Variants in PCDHGB1 observed in about 807,000 individuals in gnomAD.
PCDHGB1 encodes protocadherin gamma-B1.
Under a neutral mutation model 56.6 loss-of-function variants are expected in PCDHGB1, and 34 were observed. That is an observed-to-expected ratio of 0.60 (90% CI 0.46 to 0.80). PCDHGB1 has a LOEUF of 0.80. PCDHGB1 is among the 30% of genes least tolerant of loss of function. The pLI, the probability that PCDHGB1 is intolerant of heterozygous loss-of-function variation, is 0.00. For synonymous variants in PCDHGB1, 561 were observed against 505.9 expected (o/e 1.11, Z -1.46); for missense variants, 1,278 against 1,204.6 (o/e 1.06, Z -0.90).
intron 1 of PCDHGB1, among the ~76,000 whole-genome samples, chr5:141,444,175 TTTTTTTTTTTTTTG>T (rs2098423325): frequency 7.6e-6 from 1 of 131,192 alleles, no homozygotes; most frequent in African/African-American, 3.0e-5. Flanking sequence ...TTTTTTTTTT[TTTTTTTTTTTTTTG>T]AGATGGAGTT....
At position 141,432,360 on chromosome 5, in the gene PCDHGB1, C is replaced by T; in HGVS notation, c.2410-62447C>T. On this transcript the variant is annotated intron_variant, in intron 1 of 3. Transcript: ENST00000523390. This position sits in a 1 kb window ranked among gnomAD's most constrained non-coding sequence, Gnocchi z 6.0. Reference sequence around the variant, plus strand: ...CGAGACTTGCAAGTGAAAGTGATGGCGCGGGACAACGGGCACCCGCCCCTC... The same window carrying T: ...CGAGACTTGCAAGTGAAAGTGATGGTGCGGGACAACGGGCACCCGCCCCTC... 1.9e-6 allele frequency: 3 copies of T among 1,614,228 alleles called. No individual in the cohort carries two copies. The highest frequency in any genetic ancestry group is 1.1e-5 in the South Asian group (1 of 91,088).
At chr5:141,394,180 C>T in intron 1 of PCDHGB1, 2 of 1,613,948 alleles carry the variant, frequency 1.2e-6, no homozygotes, top group Non-Finnish European at 1.7e-6. Context: ...CCTCATGCCT[C>T]CTACTCAGCG....
intron 1 of PCDHGB1, chr5:141,399,813 G>A (rs985564503): frequency 6.2e-7 from 1 of 1,613,198 alleles, no homozygotes; most frequent in Non-Finnish European, 8.5e-7. Context: ...TGTACCCCGC[G>A]CTGGGTCCCG....
At chr5:141,372,003 C>T (rs552358423) in intron 1 of PCDHGB1, 1 of 1,613,296 alleles carries the variant, frequency 6.2e-7, no homozygotes, top group African/African-American at 1.3e-5. Flanking sequence ...GGCCCGCGAC[C>T]AGGGCTCGCC....
chr5:141,356,148 CAT>C (rs1275291606), intron 1 of PCDHGB1: 4 of 1,613,436 alleles, frequency 2.5e-6, no homozygotes, highest in Admixed American at 1.7e-5. Context: ...GATTCTATGA[CAT>C]AGATGTAGAA....
At chr5:141,374,211 C>G in intron 1 of PCDHGB1, 2 of 1,613,954 alleles carry the variant, frequency 1.2e-6, no homozygotes, top group Non-Finnish European at 1.7e-6. Context: ...GAGAAAGGCT[C>G]CTTCGTAGGC....
intron 1 of PCDHGB1, chr5:141,355,736 C>T (rs746630262): frequency 1.2e-6 from 2 of 1,613,962 alleles, no homozygotes; most frequent in Non-Finnish European, 1.7e-6. Flanking sequence ...GGTTACTTTT[C>T]CCTGGACGTG....
intron 1 of PCDHGB1, among the ~76,000 whole-genome samples, chr5:141,434,221 G>T (rs760622311): frequency 6.6e-6 from 1 of 152,206 alleles, no homozygotes; most frequent in Admixed American, 6.5e-5. Flanking sequence ...TGTAAACAAA[G>T]TACGATTTCT....
At chr5:141,394,303 AG>A in intron 1 of PCDHGB1, 2 of 1,613,924 alleles carry the variant, frequency 1.2e-6, no homozygotes, top group East Asian at 2.2e-5. Context: ...GACACGCTGC[AG>A]GGGGCGCCCC....
intron 1 of PCDHGB1, chr5:141,384,389 AG>A: frequency 1.2e-6 from 2 of 1,613,942 alleles, no homozygotes; most frequent in South Asian, 1.1e-5. Context: ...GACACCATCC[AG>A]GGGGCTCCAG....
At chr5:141,376,594 G>A in intron 1 of PCDHGB1, 2 of 1,525,706 alleles carry the variant, frequency 1.3e-6, no homozygotes, top group Non-Finnish European at 1.8e-6. Flanking sequence ...TAGATCGGCT[G>A]TTATAGAAGC....
chr5:141,475,867 G>A (rs2099377217), intron 1 of PCDHGB1: 1 of 504,884 alleles, frequency 2.0e-6, no homozygotes, highest in Non-Finnish European at 3.5e-6. Flanking sequence ...CTCATTCTTC[G>A]TGCAGTTATT....
In PCDHGB1 at chr5:141,419,975, G is replaced by A. The variant is rs372316838; in HGVS notation, c.2409+67306G>A. ...CTTGATTTCTGTGCTCTTTCTCCTC[G>A]CGGTGATTCTAGCTATTGCTCTACG... On this transcript the variant is annotated intron_variant, in intron 1 of 3. Coordinates refer to ENST00000523390, the MANE Select transcript of PCDHGB1 (RefSeq NM_018922.3). 273 of 1,613,928 alleles carry A rather than the reference G, an allele frequency of 1.7e-4. No homozygotes were observed. The highest frequency in any genetic ancestry group is 2.2e-4 in the Non-Finnish European group (261 of 1,179,916).
At chr5:141,365,296 G>T in intron 1 of PCDHGB1, 1 of 1,614,002 alleles carries the variant, frequency 6.2e-7, no homozygotes, top group Non-Finnish European at 8.5e-7. Flanking sequence ...TGGTAGCTCA[G>T]GATGGAGGCG....
intron 2 of PCDHGB1, among the ~76,000 whole-genome samples, chr5:141,502,866 C>CTCTTTTTTT (rs1554188502): frequency 7.8e-6 from 1 of 128,046 alleles, no homozygotes; most frequent in African/African-American, 3.1e-5. Context: ...GACTCTCTGT[C>CTCTTTTTTT]TTTTTTTTTT....
intron 1 of PCDHGB1, chr5:141,392,827 A>G: frequency 2.5e-6 from 4 of 1,601,944 alleles, no homozygotes; most frequent in Non-Finnish European, 3.4e-6. Flanking sequence ...GCCGCTCCAC[A>G]GAGTCGCCCC....
intron 1 of PCDHGB1, chr5:141,375,888 C>T (rs1049224011): frequency 6.2e-7 from 1 of 1,613,700 alleles, no homozygotes; most frequent in Non-Finnish European, 8.5e-7. Flanking sequence ...GGCCAGAACG[C>T]CTGGCTGTCC....
At chr5:141,362,631 A>G in intron 1 of PCDHGB1, 1 of 1,494,752 alleles carries the variant, frequency 6.7e-7, no homozygotes, top group Non-Finnish European at 9.0e-7. Flanking sequence ...TCCACTGCGT[A>G]TTTCTTTGTC....
rs771459458 is a variant in PCDHGB1 at position 141,394,997 on chromosome 5, C to A, written c.2409+42328C>A. On this transcript the variant is annotated intron_variant, in intron 1 of 3. Coordinates refer to ENST00000523390, the MANE Select transcript of PCDHGB1 (RefSeq NM_018922.3). The stretch of plus-strand genomic sequence containing the variant: ...ACAAGTCACGCCTGCTCCAGGATTC[C>A]GGTGGCAGATTGGTAGGCGTGCCTG... 4 of 1,614,016 alleles carry A rather than the reference C, an allele frequency of 2.5e-6. No individual in the cohort carries two copies. In the South Asian group the frequency reaches 3.3e-5, roughly 13 times the overall value.
Sources: allele counts gnomAD v4.1 joint callset (sites outside exome capture counted in the v4.1 genomes callset), GRCh38; gene constraint gnomAD v4.1.1; non-coding constraint Gnocchi (gnomAD v3.1); transcripts MANE v1.5; gene names NCBI Gene and HGNC (gene_info 2026-07-23, HGNC 2026-07-21).